The following CDKN2C variants were observed in gnomAD, a reference collection of about 807,000 sequenced individuals.
CDKN2C encodes the protein cyclin-dependent kinase 4 inhibitor C.
CDKN2C carries 5 observed loss-of-function variants against 11.0 expected under a neutral mutation model. That is an observed-to-expected ratio of 0.45 (90% CI 0.24 to 0.95). CDKN2C has a LOEUF of 0.95. Ranked by LOEUF, CDKN2C falls within the 40% of genes least tolerant of loss-of-function variation. CDKN2C has a pLI of 0.21. For synonymous variants in CDKN2C, 79 were observed against 88.3 expected (o/e 0.89, Z 0.59); for missense variants, 161 against 211.9 (o/e 0.76, Z 1.49).
At chr1:50,961,030 A>ATTTATTTG (rs1251055076) in intron 1 of CDKN2C, among the ~76,000 whole-genome samples, 2 of 151,540 alleles carry the variant, frequency 1.3e-5, no homozygotes, top group African/African-American at 4.9e-5. Context: ...TTATTTATTT[A>ATTTATTTG]TTTATTTATT....
At chr1:50,973,778 G>T (rs1039122206) in intron 1 of CDKN2C, 115 bp from the exon 2 acceptor site, 2 of 1,317,550 alleles carry the variant, frequency 1.5e-6, no homozygotes, top group Non-Finnish European at 2.2e-6. Context: ...TGGGTCTTCC[G>T]CAAGAACTCC....
At chr1:50,969,962 CTA>C, upstream of CDKN2C, 1 of 271,948 alleles carries the variant, frequency 3.7e-6, no homozygotes, top group Non-Finnish European at 7.1e-6. This position sits in a 1 kb window ranked among gnomAD's most constrained non-coding sequence, Gnocchi z 6.6. Flanking sequence ...CTGCCCCGAT[CTA>C]TAGTCCCTTG....
upstream of CDKN2C, among the ~76,000 whole-genome samples, chr1:50,967,568 A>G (rs768396021): frequency 3.3e-5 from 5 of 152,236 alleles, no homozygotes; most frequent in Admixed American, 6.5e-5. Context: ...TCCGCTTGCC[A>G]AAGGCCGGTT....
chr1:50,966,822 C>T (rs1223832959), upstream of CDKN2C, among the ~76,000 whole-genome samples: 2 of 150,920 alleles, frequency 1.3e-5, no homozygotes, highest in Non-Finnish European at 3.0e-5. Context: ...AAAATCAGAA[C>T]TTTGTTGGAC....
At chr1:50,965,801 C>T (rs1645344733), upstream of CDKN2C, among the ~76,000 whole-genome samples, 1 of 152,064 alleles carries the variant, frequency 6.6e-6, no homozygotes, top group African/African-American at 2.4e-5. Flanking sequence ...AAATAAAATG[C>T]TGAAGCTACA....
chr1:50,973,950 C>A lies in CDKN2C; in HGVS notation c.187C>A (p.Pro63Thr), dbSNP rs765396109. The A allele has an allele frequency of 1.9e-6, 3 of 1,614,070 alleles. No homozygotes were observed. The highest frequency in any genetic ancestry group is 1.7e-6 in the Non-Finnish European group (2 of 1,180,036). Residue 63 changes from proline to threonine, a missense_variant, in exon 2 of 2, where the codon CCC becomes ACC. Physicochemically the swap from Pro to Thr is conservative, Grantham distance 38. Coordinates refer to ENST00000371761, the MANE Select transcript of CDKN2C (RefSeq NM_078626.3). ...GAGACTGCTACTTAGAGGTGCTAAT[C>A]CCGATTTGAAAGACCGAACTGGTTT... ...ARRLLLRGANPDLKDRTGFAV... is the reference protein window; with the variant it reads ...ARRLLLRGANTDLKDRTGFAV...
At chr1:50,965,206 G>A (rs530358605) in intron 1 of CDKN2C, among the ~76,000 whole-genome samples, 6 of 150,446 alleles carry the variant, frequency 4.0e-5, no homozygotes, top group South Asian at 4.2e-4. Flanking sequence ...TTACTTTAAC[G>A]AAGAACTTTC....
chr1:50,968,146 GAGGCC>G (rs1278483200), upstream of CDKN2C: 1 of 272 alleles, frequency 3.7e-3, no homozygotes, highest in Non-Finnish European at 4.7e-3. Flanking sequence ...GTGCGAGGCC[GAGGCC>G]AGGGCTCAGC....
In CDKN2C at chr1:50,971,818, T is replaced by G. The variant is rs140260539; in HGVS notation, c.129+1321T>G. On this transcript the variant is annotated intron_variant, in intron 1 of 1. Coordinates refer to ENST00000371761, the MANE Select transcript of CDKN2C (RefSeq NM_078626.3). ...TTTAAAAAGTTTTGACAAACATTTTTAATACAACTTTGCAATCTTGTTTAT... is the reference window on the plus strand; with the variant it reads ...TTTAAAAAGTTTTGACAAACATTTTGAATACAACTTTGCAATCTTGTTTAT... Among the ~76,000 whole-genome samples, 58 of 152,324 alleles carry G rather than the reference T, an allele frequency of 3.8e-4. 2 individuals carry two copies. In the East Asian group the frequency reaches 0.01, roughly 27 times the overall value.
rs1183406167 is a variant in CDKN2C, at chr1:50,961,197, G to A, written c.-1976+394G>A. ...ATTACAGGCTCCCGCCACCAAGCCC[G>A]GCTAAGTTTTTTTTGTATTTTTAGT... On this transcript the variant is annotated intron_variant, in intron 1 of 3. Coordinates refer to the CDKN2C transcript ENST00000262662. Among the ~76,000 whole-genome samples the A allele has an allele frequency of 2.0e-4, 30 of 152,064 alleles. 1 individual carries two copies. Among genetic ancestry groups the A allele is most frequent in the East Asian group, 1.9e-4 (1 of 5,198 alleles).
rs1022648799 is a variant in CDKN2C, at chr1:50,973,928, A to T, written c.165A>T (p.Arg55Ser). The change falls in exon 2 of 2, where the codon AGA (arginine) becomes AGT (serine). Residue 55 changes from arginine (R) to serine (S), a missense_variant. Physicochemically the swap from Arg to Ser is moderately radical, Grantham distance 110 (BLOSUM62 -1). Coordinates refer to ENST00000371761, the MANE Select transcript of CDKN2C (RefSeq NM_078626.3). Reference protein sequence around the residue: ...MKLGNPEIARRLLLRGANPDL... With the variant: ...MKLGNPEIARSLLLRGANPDL... ...TTGGAAATCCCGAGATTGCCAGGAG[A>T]CTGCTACTTAGAGGTGCTAATCCCG... The T allele has an allele frequency of 4.3e-6, 7 of 1,614,048 alleles. No homozygotes were observed. The Admixed American group carries it at 1.2e-4, about 27-fold the overall frequency.
intron 1 of CDKN2C, among the ~76,000 whole-genome samples, chr1:50,961,782 C>T (rs1433297679): frequency 6.6e-6 from 1 of 152,196 alleles, no homozygotes; most frequent in Non-Finnish European, 1.5e-5. Context: ...ATCCTCCCAC[C>T]TCAGCCTCCT....
chr1:50,972,241 G>A (rs1303740388), intron 1 of CDKN2C, among the ~76,000 whole-genome samples: 1 of 151,886 alleles, frequency 6.6e-6, no homozygotes, highest in South Asian at 2.1e-4. Context: ...GACAGTTGTG[G>A]TCGTATCAAT....
Position 50,974,017 on chromosome 1 carries a change from C to A in CDKN2C, c.254C>A (p.Thr85Asn). Residue 85 changes from threonine (T) to asparagine (N), a missense_variant, in exon 2 of 2, where the codon ACT becomes AAT. Transcript: ENST00000371761. ...HDAARAGFLD[T>N]LQTLLEFQAD... ...GCGGCCAGAGCAGGTTTCCTGGACA[C>A]TTTACAGACTTTGCTGGAGTTTCAA... 1 of 1,614,214 alleles carries A rather than the reference C, an allele frequency of 6.2e-7. No homozygotes were observed. The highest frequency in any genetic ancestry group is 8.5e-7 in the Non-Finnish European group (1 of 1,180,036).
chr1:50,965,473 A>T (rs1645343680), upstream of CDKN2C, among the ~76,000 whole-genome samples: 2 of 151,890 alleles, frequency 1.3e-5, no homozygotes, highest in South Asian at 2.1e-4. Context: ...CTCCAGCCTG[A>T]TGACAGAGAG....
upstream of CDKN2C, chr1:50,968,373 A>G (rs1645358752): frequency 6.6e-6 from 1 of 152,362 alleles, no homozygotes; most frequent in Non-Finnish European, 1.5e-5. Flanking sequence ...GCCCTCCACA[A>G]CCGTCTTAAA....
Position 50,974,082 on chromosome 1 carries a change from T to C in CDKN2C, c.319T>C (p.Leu107=), listed in dbSNP as rs199638281. Residue 107 remains leucine, a synonymous_variant, in exon 2 of 2, where the codon TTG becomes CTG. Transcript: ENST00000371761. ...CGAGGATAATGAAGGGAACCTGCCCTTGCACTTGGCTGCCAAAGAAGGCCA... is the reference window on the plus strand; with the variant it reads ...CGAGGATAATGAAGGGAACCTGCCCCTGCACTTGGCTGCCAAAGAAGGCCA... ...NIEDNEGNLP[L]HLAAKEGHLR... is the part of the protein sequence containing the mutation. 6.2e-7 allele frequency: 1 copy of C among 1,614,190 alleles called. No individual in the cohort carries two copies. The highest frequency in any genetic ancestry group is 1.1e-5 in the South Asian group (1 of 91,084).
Position 50,974,152 on chromosome 1 carries a change from T to C in CDKN2C, c.389T>C (p.Val130Ala), listed in dbSNP as rs375985277. The C allele has an allele frequency of 3.3e-5, 54 of 1,614,000 alleles. No individual in the cohort carries two copies. The highest frequency in any genetic ancestry group is 4.5e-5 in the Non-Finnish European group (53 of 1,180,020). Residue 130 changes from valine (V) to alanine (A), a missense_variant, in exon 2 of 2, where the codon GTG becomes GCG. Physicochemically the swap from Val to Ala is moderately conservative, Grantham distance 64 (BLOSUM62 0). Transcript: ENST00000371761. Reference sequence around the variant, plus strand: ...CTGGTGAAGCACACGGCCAGCAATGTGGGGCATCGGAACCATAAGGGGGAC... The same window carrying C: ...CTGGTGAAGCACACGGCCAGCAATGCGGGGCATCGGAACCATAAGGGGGAC... ...EFLVKHTASN[V>A]GHRNHKGDTA... is the part of the protein sequence containing the mutation.
intron 1 of CDKN2C, among the ~76,000 whole-genome samples, chr1:50,973,377 G>A (rs537799674): frequency 4.6e-5 from 7 of 152,178 alleles, no homozygotes; most frequent in Admixed American, 1.3e-4. Flanking sequence ...CTCACTCATG[G>A]AGTTGGTTTA....
Sources: allele counts gnomAD v4.1 joint callset (sites outside exome capture counted in the v4.1 genomes callset), GRCh38; gene constraint gnomAD v4.1.1; non-coding constraint Gnocchi (gnomAD v3.1); transcripts MANE v1.5; gene names NCBI Gene and HGNC (gene_info 2026-07-23, HGNC 2026-07-21).